RIMBP2: variants seen among roughly 807,000 people sequenced by gnomAD.
RIMBP2 encodes the protein RIMS binding protein 2, also known as RIMS-binding protein 2.
Under a neutral mutation model 118.6 loss-of-function variants are expected in RIMBP2, and 48 were observed. The ratio of observed to expected loss-of-function variants is 0.40; its 90% CI spans 0.32 to 0.51. The LOEUF (loss-of-function observed/expected upper bound fraction) is 0.51. RIMBP2 is among the 20% of genes least tolerant of loss of function. The pLI is 0.41. For synonymous variants in RIMBP2, 762 were observed against 742.9 expected, an observed-to-expected ratio of 1.03 and a Z score of -0.42; for missense variants, 1,551 against 1,768.3, an observed-to-expected ratio of 0.88 and a Z score of 2.20.
intron 1 of RIMBP2, among the ~76,000 whole-genome samples, chr12:130,687,393 G>C (rs2065104308): frequency 6.6e-6 from 1 of 152,318 alleles, no homozygotes; most frequent in South Asian, 2.1e-4. Context: ...TGTGGTATAG[G>C]AGGTTAACCA....
In RIMBP2 at chr12:130,622,333, T is replaced by C. The variant is rs2061369595; in HGVS notation, c.-217+5989A>G. ...CTGTGCCCACTGTTAACTGACCCTC[T>C]TTCTTTAAATGGGCTTGTGTTTTAC... On this transcript the variant is annotated intron_variant, in intron 2 of 22. Transcript: ENST00000690449. This position sits in a 1 kb window ranked among gnomAD's most constrained non-coding sequence, Gnocchi z 8.5. 6.6e-6 allele frequency among the ~76,000 whole-genome samples: 1 copy of C among 152,220 alleles called. No homozygotes were observed. The highest frequency in any genetic ancestry group is 1.5e-5 in the Non-Finnish European group (1 of 68,036).
At chr12:130,715,331 G>A (rs1290149822) in intron 1 of RIMBP2, among the ~76,000 whole-genome samples, 4 of 152,150 alleles carry the variant, frequency 2.6e-5, no homozygotes, top group Non-Finnish European at 4.4e-5. Flanking sequence ...TGACCAGGCC[G>A]GGAGGTGAAG....
In RIMBP2 at chr12:130,578,811, G is replaced by A. The variant is rs973621591; in HGVS notation, c.-217+49511C>T. On this transcript the variant is annotated intron_variant, in intron 2 of 22. Coordinates refer to ENST00000690449, the MANE Select transcript of RIMBP2 (RefSeq NM_001393629.1). This position sits in a 1 kb window ranked among gnomAD's most constrained non-coding sequence, Gnocchi z 4.1. ...TCTGGAGCCCTAGGGCTGAACATGTGCAGAGATTCAGAAAGGCTTGGATTT... is the reference window on the plus strand; with the variant it reads ...TCTGGAGCCCTAGGGCTGAACATGTACAGAGATTCAGAAAGGCTTGGATTT... 6.6e-6 allele frequency among the ~76,000 whole-genome samples: 1 copy of A among 152,218 alleles called. No homozygotes were observed. The highest frequency in any genetic ancestry group is 1.5e-5 in the Non-Finnish European group (1 of 68,044).
intron 1 of RIMBP2, among the ~76,000 whole-genome samples, chr12:130,673,331 G>A (rs80080122): frequency 0.091 from 13,825 of 152,204 alleles, 1,038 homozygotes; most frequent in African/African-American, 0.21. Flanking sequence ...ACCTGTTGCC[G>A]GCACAAAGAG....
intron 2 of RIMBP2, among the ~76,000 whole-genome samples, chr12:130,610,605 G>C (rs1288901947): frequency 1.7e-5 from 2 of 116,686 alleles, no homozygotes; most frequent in Non-Finnish European, 3.2e-5. Context: ...CTGTCGCCCA[G>C]GCTGGAGTGC....
rs1749800970 is a variant in RIMBP2, at chr12:130,581,941, G to A, written c.-217+46381C>T. ...TGACCTGGCCTCTCCTCCCTCCCTG[G>A]CTCAGTCACTCTCACTTCACCACCA... On this transcript the variant is annotated intron_variant, in intron 2 of 22. Transcript: ENST00000690449. The surrounding 1 kb of genome is among the most constrained non-coding windows in gnomAD (Gnocchi z 4.4). 6.6e-6 allele frequency among the ~76,000 whole-genome samples: 1 copy of A among 151,866 alleles called. No individual in the cohort carries two copies. The highest frequency in any genetic ancestry group is 2.1e-4 in the South Asian group (1 of 4,826).
At chr12:130,501,964 C>T in intron 4 of RIMBP2, among the ~76,000 whole-genome samples, 1 of 152,382 alleles carries the variant, frequency 6.6e-6, no homozygotes, top group South Asian at 2.1e-4. Flanking sequence ...ACCAGGCAGA[C>T]TCTGAGCCTT....
intron 2 of RIMBP2, among the ~76,000 whole-genome samples, chr12:130,587,770 G>A (rs2059001348): frequency 7.1e-6 from 1 of 139,956 alleles, no homozygotes; most frequent in Admixed American, 7.2e-5. Context: ...CCTGGCACAT[G>A]TATACATATG....
chr12:130,698,275 C>T (rs910382920), intron 1 of RIMBP2, among the ~76,000 whole-genome samples: 18 of 152,144 alleles, frequency 1.2e-4, no homozygotes, highest in African/African-American at 3.4e-4. Context: ...CCACAGAACC[C>T]GCCTCCATCT....
rs2075719286 is a variant in RIMBP2 at position 130,411,579 on chromosome 12, T to C, written c.3589+1040A>G. 2.0e-5 allele frequency among the ~76,000 whole-genome samples: 3 copies of C among 152,180 alleles called. No homozygotes were observed. The East Asian group carries it at 5.8e-4, about 29-fold the overall frequency. On this transcript the variant is annotated intron_variant, in intron 19 of 22. Transcript: ENST00000690449. ...AAAAAATTTTAATCTAACTGATAAA[T>C]CAAGTTACCGTTCCTTAACAGAAAT... is the stretch of plus-strand genomic sequence containing the variant.
In RIMBP2 at chr12:130,456,553, C is replaced by A; in HGVS notation, c.301G>T (p.Ala101Ser). 3.1e-6 allele frequency: 5 copies of A among 1,611,852 alleles called. No homozygotes were observed. The highest frequency in any genetic ancestry group is 4.2e-6 in the Non-Finnish European group (5 of 1,178,494). ...SAVAPLDIST[A>S]PSKPFPQFMN... is the part of the protein sequence containing the mutation. ...AACTGTGGGAAAGGCTTGCTGGGGG[C>A]CGTGGAGATGTCCAGGGGGGCCACC... The change falls in exon 7 of 23, where the codon GCC becomes TCC. Residue 101 changes from alanine to serine, a missense_variant. Physicochemically the swap from Ala to Ser is moderately conservative, Grantham distance 99. Around this residue, in one of 5 missense-constraint regions of RIMBP2, gnomAD observed 239 missense variants for 256.8 expected, o/e 0.93. Transcript: ENST00000690449.
chr12:130,714,645 G>A (rs1466200104), intron 1 of RIMBP2, among the ~76,000 whole-genome samples: 1 of 152,208 alleles, frequency 6.6e-6, no homozygotes, highest in East Asian at 1.9e-4. Context: ...TGGGCCCCAG[G>A]CGGCTGCCAT....
At chr12:130,505,439 C>G (rs2050208050) in intron 4 of RIMBP2, among the ~76,000 whole-genome samples, 1 of 151,004 alleles carries the variant, frequency 6.6e-6, no homozygotes, top group South Asian at 2.1e-4. Flanking sequence ...GAACCTCATA[C>G]CCCTTAGTGG....
chr12:130,524,153 C>T (rs763901206), intron 2 of RIMBP2, among the ~76,000 whole-genome samples: 5 of 152,150 alleles, frequency 3.3e-5, no homozygotes, highest in Admixed American at 6.5e-5. Context: ...GATTTGGACA[C>T]GGGAAGCTCC....
At chr12:130,423,490 C>T (rs936691346) in intron 16 of RIMBP2, among the ~76,000 whole-genome samples, 39 of 152,078 alleles carry the variant, frequency 2.6e-4, no homozygotes, top group Middle Eastern at 3.4e-3. Flanking sequence ...AAAGAGGACA[C>T]AATATAGAGA....
intron 2 of RIMBP2, among the ~76,000 whole-genome samples, chr12:130,573,989 A>G (rs912282398): frequency 7.9e-5 from 12 of 152,046 alleles, no homozygotes; most frequent in Non-Finnish European, 1.5e-4. Context: ...GAAAATGGCA[A>G]GCAGAGAACT....
intron 1 of RIMBP2, among the ~76,000 whole-genome samples, chr12:130,691,574 G>T (rs2065308222): frequency 8.5e-5 from 13 of 152,190 alleles, no homozygotes; most frequent in Admixed American, 8.5e-4. Context: ...GGGAGGCTCA[G>T]ATGGGAAGAT....
chr12:130,608,938 C>T (rs1412550756), intron 2 of RIMBP2, among the ~76,000 whole-genome samples: 3 of 152,118 alleles, frequency 2.0e-5, no homozygotes, highest in African/African-American at 7.2e-5. Context: ...CCATGGCCCC[C>T]AGCACCCCAG....
chr12:130,640,162 C>T (rs2062553374), intron 1 of RIMBP2, among the ~76,000 whole-genome samples: 1 of 152,188 alleles, frequency 6.6e-6, no homozygotes, highest in African/African-American at 2.4e-5. Context: ...GGAACAAACA[C>T]ACCGCCTAGA....
Sources: gnomAD v4.1 joint callset for allele counts (sites outside exome capture counted in the v4.1 genomes callset) on GRCh38, gnomAD v4.1.1 for gene constraint, gnomAD v4.1.1 regional missense constraint, Gnocchi (gnomAD v3.1) non-coding constraint, MANE v1.5 for transcripts, NCBI Gene and HGNC (gene_info 2026-07-23, HGNC 2026-07-21) for gene names.